GPATCH8: variants seen among roughly 807,000 people sequenced by gnomAD.
The protein encoded by GPATCH8 is G-patch domain containing 8, also known as G patch domain-containing protein 8.
A neutral mutation model predicts 118.3 loss-of-function variants in GPATCH8; 18 were observed. The observed-to-expected ratio is 0.15, with a 90% confidence interval of 0.11 to 0.23. GPATCH8 has a LOEUF of 0.23. Among genes scored for constraint, GPATCH8 ranks in the 10% least tolerant of loss-of-function variants. The pLI, the probability that GPATCH8 is intolerant of heterozygous loss-of-function variation, is 1.00. For synonymous variants in GPATCH8, 659 were observed against 684.7 expected (o/e 0.96, Z 0.59); for missense variants, 1,631 against 1,873.8 (o/e 0.87, Z 2.39).
chr17:44,464,936 T>TAA, intron 2 of GPATCH8: 2 of 172,144 alleles, frequency 1.2e-5, no homozygotes, highest in Non-Finnish European at 2.5e-5. Context: ...CTTTAAGATT[T>TAA]TTTTTTTTTT....
At chr17:44,429,694 A>ACAAAAC (rs1195472951) in intron 5 of GPATCH8, among the ~76,000 whole-genome samples, 2 of 149,322 alleles carry the variant, frequency 1.3e-5, no homozygotes, top group Admixed American at 6.6e-5. Context: ...ACAAAACAAC[A>ACAAAAC]AACAAACAAA....
At chr17:44,487,778 C>T (rs761524702) in intron 1 of GPATCH8, among the ~76,000 whole-genome samples, 4 of 152,132 alleles carry the variant, frequency 2.6e-5, no homozygotes, top group Non-Finnish European at 5.9e-5. Context: ...GATGAGACTA[C>T]ATTTATGTTG....
chr17:44,421,528 G>A (rs1448740838), intron 6 of GPATCH8, among the ~76,000 whole-genome samples: 2 of 151,616 alleles, frequency 1.3e-5, no homozygotes, highest in Admixed American at 1.3e-4. Flanking sequence ...ACCATGCCCA[G>A]CTAATTTTTG....
intron 2 of GPATCH8, chr17:44,467,079 A>G: frequency 8.2e-7 from 1 of 1,224,632 alleles, no homozygotes; most frequent in South Asian, 1.3e-5. Context: ...AGTGGAGTGA[A>G]AGCATTTCCA....
At position 44,483,235 on chromosome 17, in the gene GPATCH8, C is replaced by A. The variant is rs535679022; in HGVS notation, c.46-8332G>T. On this transcript the variant is annotated intron_variant, in intron 1 of 7. Transcript: ENST00000591680. ...TATATATACAGCCTACCTCTCATATCTCTTAGACACTCATTTCTTTTTTTT... is the reference window on the plus strand; with the variant it reads ...TATATATACAGCCTACCTCTCATATATCTTAGACACTCATTTCTTTTTTTT... 6.0e-5 allele frequency among the ~76,000 whole-genome samples: 6 copies of A among 100,346 alleles called. 1 individual carries two copies. In the South Asian group the frequency reaches 2.2e-3, roughly 37 times the overall value. The allele number at this position is 100,346 out of a possible 152,430, so 65.8% of individuals were successfully genotyped here.
intron 2 of GPATCH8, chr17:44,465,298 G>A (rs1211807862): frequency 6.6e-6 from 1 of 152,110 alleles, no homozygotes; most frequent in African/African-American, 2.4e-5. Flanking sequence ...TAAGTTAACA[G>A]TAAAGAACCA....
intron 2 of GPATCH8, among the ~76,000 whole-genome samples, chr17:44,474,143 AAT>A (rs1967538122): frequency 6.6e-6 from 1 of 152,188 alleles, no homozygotes; most frequent in Admixed American, 6.5e-5. Flanking sequence ...ACATTTTAAC[AAT>A]AGACTGTGTT....
intron 2 of GPATCH8, among the ~76,000 whole-genome samples, chr17:44,469,732 C>CA (rs1488206847): frequency 6.6e-6 from 1 of 151,974 alleles, no homozygotes; most frequent in African/African-American, 2.4e-5. Context: ...ATTCCCGAAA[C>CA]AAAAAAACTC....
intron 3 of GPATCH8, among the ~76,000 whole-genome samples, chr17:44,450,736 T>A (rs2051082833): frequency 6.6e-6 from 1 of 152,216 alleles, no homozygotes; most frequent in Non-Finnish European, 1.5e-5. Flanking sequence ...TATGTTCTTA[T>A]CATTTTCAGA....
intron 2 of GPATCH8, 165 bp downstream of exon 2, chr17:44,474,664 T>C (rs763558040): frequency 2.0e-5 from 14 of 694,782 alleles, no homozygotes; most frequent in Non-Finnish European, 3.4e-5. Flanking sequence ...TATTAAATAT[T>C]AGATTACATC....
intron 3 of GPATCH8, among the ~76,000 whole-genome samples, chr17:44,450,333 C>T (rs1162293150): frequency 6.6e-6 from 1 of 152,188 alleles, no homozygotes; most frequent in Non-Finnish European, 1.5e-5. Context: ...AGATTATAAT[C>T]TTAGGTGGCA....
chr17:44,405,322 C>T (rs1369195060), intron 7 of GPATCH8, among the ~76,000 whole-genome samples: 1 of 151,888 alleles, frequency 6.6e-6, no homozygotes, highest in East Asian at 1.9e-4. Context: ...GATTCTCCTG[C>T]CTCAGCCTCC....
At chr17:44,474,255 G>A (rs1967548911) in intron 2 of GPATCH8, among the ~76,000 whole-genome samples, 1 of 151,962 alleles carries the variant, frequency 6.6e-6, no homozygotes, top group Non-Finnish European at 1.5e-5. Context: ...TTGTTCTATT[G>A]CTTGATATCA....
At chr17:44,490,046 T>C (rs914948084) in intron 1 of GPATCH8, among the ~76,000 whole-genome samples, 1 of 152,122 alleles carries the variant, frequency 6.6e-6, no homozygotes, top group Non-Finnish European at 1.5e-5. Flanking sequence ...CTCACACCTA[T>C]AATCCCAGCA....
At chr17:44,463,110 G>A (rs1250561795) in intron 3 of GPATCH8, among the ~76,000 whole-genome samples, 1 of 151,818 alleles carries the variant, frequency 6.6e-6, no homozygotes, top group Non-Finnish European at 1.5e-5. Context: ...GATCAAGACA[G>A]GGTCTTGCTA....
At chr17:44,484,007 A>C (rs1420426553) in intron 1 of GPATCH8, among the ~76,000 whole-genome samples, 1 of 152,086 alleles carries the variant, frequency 6.6e-6, no homozygotes, top group Non-Finnish European at 1.5e-5. Flanking sequence ...ACACCCAGCT[A>C]ATTTCTGTAT....
chr17:44,482,716 T>A (rs961740176), intron 1 of GPATCH8, among the ~76,000 whole-genome samples: 3 of 151,570 alleles, frequency 2.0e-5, no homozygotes, highest in African/African-American at 7.3e-5. Flanking sequence ...TTAAAAAAAA[T>A]ATATTTCTAT....
intron 3 of GPATCH8, among the ~76,000 whole-genome samples, chr17:44,442,030 A>G (rs2144092446): frequency 6.6e-6 from 1 of 151,356 alleles, no homozygotes; most frequent in South Asian, 2.1e-4. Context: ...CTCTGTCTCA[A>G]AGAGACAAAA....
chr17:44,485,405 C>T (rs947067471), intron 1 of GPATCH8, among the ~76,000 whole-genome samples: 1 of 152,224 alleles, frequency 6.6e-6, no homozygotes, highest in South Asian at 2.1e-4. Context: ...TGAGCCACAG[C>T]GCCTGGCCTT....
Sources: allele counts gnomAD v4.1 joint callset (sites outside exome capture counted in the v4.1 genomes callset), GRCh38; gene constraint gnomAD v4.1.1; transcripts MANE v1.5; gene names NCBI Gene and HGNC (gene_info 2026-07-23, HGNC 2026-07-21).